The following MEGF6 variants were observed in gnomAD, a reference collection of about 807,000 sequenced individuals.
MEGF6 encodes the protein multiple EGF like domains 6, also known as multiple epidermal growth factor-like domains protein 6.
MEGF6 carries 184 observed loss-of-function variants against 207.1 expected under a neutral mutation model. The observed-to-expected ratio is 0.89, with a 90% CI of 0.79 to 1.00. The LOEUF is 1.00. MEGF6 is among the 50% of genes least tolerant of loss of function. The pLI, the probability that MEGF6 is intolerant of heterozygous loss-of-function variation, is 0.00. For missense variants in MEGF6, 2,282 were observed against 2,202.9 expected, an observed-to-expected ratio of 1.04 and a Z score of -0.72; for synonymous variants, 1,038 against 910.0, an observed-to-expected ratio of 1.14 and a Z score of -2.53.
chr1:3,505,093 C>T, intron 17 of MEGF6, 115 bp downstream of exon 17: 1 of 1,441,060 alleles, frequency 6.9e-7, no homozygotes, highest in Non-Finnish European at 9.3e-7. Context: ...TGGGCTTAGG[C>T]AAAGGGGGCC....
rs779416765 is a variant in MEGF6 at position 3,507,843 on chromosome 1, C to A, written c.1741G>T (p.Gly581Trp). Residue 581 changes from glycine to tryptophan, a missense_variant, in exon 14 of 37, where the codon GGG becomes TGG. Gly to Trp is a radical substitution (Grantham distance 184). Transcript: ENST00000356575. ...QNGGTCDSVT[G>W]ACRCPPGVSG... is the part of the protein sequence containing the mutation. ...ACACCCGGGGGGCAGCGGCAGGCCCCCGTGACAGAGTCGCAGGTCCCACCA... is the reference window on the plus strand; with the variant it reads ...ACACCCGGGGGGCAGCGGCAGGCCCACGTGACAGAGTCGCAGGTCCCACCA... 1 of 1,612,828 alleles carries A rather than the reference C, an allele frequency of 6.2e-7. No individual in the cohort carries two copies. The highest frequency in any genetic ancestry group is 1.1e-5 in the South Asian group (1 of 91,080).
At chr1:3,545,864 A>G (rs1210850679) in intron 4 of MEGF6, among the ~76,000 whole-genome samples, 1 of 152,214 alleles carries the variant, frequency 6.6e-6, no homozygotes. Context: ...AGGAGCACAC[A>G]GAATCTGTTT....
intron 13 of MEGF6, 43 bp from the exon 14 acceptor site, chr1:3,507,966 C>G: frequency 6.3e-7 from 1 of 1,591,834 alleles, no homozygotes. Context: ...CCAGCCAGCA[C>G]GACACTCTGA....
intron 4 of MEGF6, among the ~76,000 whole-genome samples, chr1:3,539,197 C>T (rs565050017): frequency 1.4e-3 from 214 of 152,158 alleles, no homozygotes; most frequent in African/African-American, 4.9e-3. Context: ...GGCACCGGGT[C>T]TAAGGTGCAG....
At position 3,501,938 on chromosome 1, in the gene MEGF6, G is replaced by A. The variant is rs556409635; in HGVS notation, c.2189-17C>T. On this transcript the variant is annotated splice_polypyrimidine_tract_variant and intron_variant, in intron 17 of 36. Transcript: ENST00000356575. ...CCGGGCACTCTGCAGGAGAAAGCAC[G>A]AGGGGCCTTAGCCGCACCACGTGGA... 6.3e-5 allele frequency: 93 copies of A among 1,479,898 alleles called. 4 individuals are homozygous for A. The highest frequency in any genetic ancestry group is 3.1e-4 in the South Asian group (27 of 86,824). The allele number at this position is 1,479,898 out of a possible 1,614,324, so 91.7% of individuals were successfully genotyped here. A position where few individuals can be genotyped will look rare whatever the true frequency, so the allele number is the denominator to read the frequency against.
In MEGF6 at chr1:3,573,230, TCCCCCAGGTTTGCTGGGTC is replaced by T. The variant is rs1400967916; in HGVS notation, c.481+6576_481+6594del. Among the ~76,000 whole-genome samples, 28 of 150,572 alleles carry T rather than the reference TCCCCCAGGTTTGCTGGGTC, an allele frequency of 1.9e-4. 1 individual carries two copies. The South Asian group carries it at 4.4e-3, about 24-fold the overall frequency. ...TGCGTCCTTCCTGTGTGTGCTGGGTTCCCCCAGGTTTGCTGGGTCCTCCCAGGTGTGCTGGGTCCCCCCG... is the reference window on the plus strand; with the variant it reads ...TGCGTCCTTCCTGTGTGTGCTGGGTTCTCCCAGGTGTGCTGGGTCCCCCCG... On this transcript the variant is annotated intron_variant, in intron 4 of 36. Coordinates refer to ENST00000356575, the MANE Select transcript of MEGF6 (RefSeq NM_001409.4). This position sits in a 1 kb window ranked among gnomAD's most constrained non-coding sequence, Gnocchi z 5.1.
intron 9 of MEGF6, 54 bp downstream of exon 9, chr1:3,511,496 C>A: frequency 6.4e-7 from 1 of 1,551,362 alleles, no homozygotes; most frequent in Non-Finnish European, 8.8e-7. Context: ...AGACCCAGGG[C>A]AGCAGCGGGT....
intron 6 of MEGF6, among the ~76,000 whole-genome samples, 175 bp from the exon 7 acceptor site, chr1:3,514,847 C>G (rs765052887): frequency 2.0e-5 from 3 of 152,202 alleles, no homozygotes; most frequent in Non-Finnish European, 4.4e-5. Context: ...GCCCCCAAGA[C>G]GCCGAGAAGA....
At chr1:3,523,458 G>A (rs1199306998) in intron 5 of MEGF6, among the ~76,000 whole-genome samples, 5 of 152,102 alleles carry the variant, frequency 3.3e-5, no homozygotes, top group African/African-American at 7.2e-5. Context: ...GCCACAGTCC[G>A]TGTCCGCGAC....
chr1:3,577,099 G>A (rs1570174544), intron 4 of MEGF6, among the ~76,000 whole-genome samples: 1 of 151,708 alleles, frequency 6.6e-6, no homozygotes, highest in Admixed American at 6.6e-5. Flanking sequence ...CTGCATAATT[G>A]AGCCCCGCAC....
At chr1:3,593,491 G>T (rs1644012968) in intron 3 of MEGF6, among the ~76,000 whole-genome samples, 1 of 100,344 alleles carries the variant, frequency 1.0e-5, no homozygotes, top group African/African-American at 4.0e-5. Context: ...AGCCATTCAT[G>T]CGGCTGTGCC....
At chr1:3,533,506 G>A (rs779792033) in intron 4 of MEGF6, among the ~76,000 whole-genome samples, 1 of 152,236 alleles carries the variant, frequency 6.6e-6, no homozygotes, top group South Asian at 2.1e-4. Flanking sequence ...GAAGCTCGAG[G>A]GTCCCGCCCT....
chr1:3,579,729 A>C, intron 4 of MEGF6, 96 bp downstream of exon 4: 1 of 822,654 alleles, frequency 1.2e-6, no homozygotes, highest in Non-Finnish European at 1.8e-6. Context: ...TCCCCTACAC[A>C]GCTGTGCTGG....
At chr1:3,557,097 G>A (rs1254852745) in intron 4 of MEGF6, among the ~76,000 whole-genome samples, 2 of 152,148 alleles carry the variant, frequency 1.3e-5, no homozygotes, top group Non-Finnish European at 2.9e-5. Flanking sequence ...CGAGGAAGGA[G>A]CCACGAGCCA....
At chr1:3,563,714 A>T (rs1311567431) in intron 4 of MEGF6, among the ~76,000 whole-genome samples, 4 of 152,162 alleles carry the variant, frequency 2.6e-5, no homozygotes, top group Non-Finnish European at 5.9e-5. Flanking sequence ...GACGAGGCTG[A>T]TGTTCAGGTT....
intron 2 of MEGF6, among the ~76,000 whole-genome samples, chr1:3,598,356 G>A (rs371661923): frequency 3.3e-5 from 5 of 152,346 alleles, no homozygotes; most frequent in East Asian, 3.9e-4. Flanking sequence ...GCTCATGCAC[G>A]CGCACTGCAC....
At chr1:3,599,358 G>A (rs540488074) in intron 2 of MEGF6, among the ~76,000 whole-genome samples, 1 of 152,374 alleles carries the variant, frequency 6.6e-6, no homozygotes, top group South Asian at 2.1e-4. Flanking sequence ...GGTGCCCTCG[G>A]GCTGTGGGGT....
chr1:3,619,929 T>C, the MEGF6 span, among the ~76,000 whole-genome samples: 1 of 152,214 alleles, frequency 6.6e-6, no homozygotes, highest in African/African-American at 2.4e-5. Context: ...TAGAGACTTG[T>C]TGAATGGTTC....
Position 3,555,151 on chromosome 1 carries a change from G to A in MEGF6, c.481+24674C>T, listed in dbSNP as rs547567766. ...CTGCTGGCCGGAGAGAAGCACAGGT[G>A]GTCCCCACCACCCACCCACCCACCC... On this transcript the variant is annotated intron_variant, in intron 4 of 36. Coordinates refer to ENST00000356575, the MANE Select transcript of MEGF6 (RefSeq NM_001409.4). Among the ~76,000 whole-genome samples, 300 of 151,898 alleles carry A rather than the reference G, an allele frequency of 2.0e-3. 1 individual carries two copies. Among genetic ancestry groups the A allele is most frequent in the Admixed American group, 5.1e-3 (77 of 15,232 alleles).
Sources: gnomAD v4.1 joint callset for allele counts (sites outside exome capture counted in the v4.1 genomes callset) on GRCh38, gnomAD v4.1.1 for gene constraint, Gnocchi (gnomAD v3.1) non-coding constraint, MANE v1.5 for transcripts, NCBI Gene and HGNC (gene_info 2026-07-23, HGNC 2026-07-21) for gene names.